The following SETD2 variants were observed in gnomAD, a reference collection of about 807,000 sequenced individuals.
SETD2 encodes the protein histone-lysine N-methyltransferase SETD2.
SETD2 carries 31 observed loss-of-function variants against 242.1 expected under a neutral mutation model. That is an observed-to-expected ratio of 0.13 (90% CI 0.10 to 0.17). The LOEUF (loss-of-function observed/expected upper bound fraction) is 0.17. Ranked by LOEUF, SETD2 falls within the 10% of genes least tolerant of loss-of-function variation. The pLI is 1.00. For missense variants in SETD2, 2,481 were observed against 3,046.3 expected (o/e 0.81, Z 4.37); for synonymous variants, 1,006 against 1,066.5 (o/e 0.94, Z 1.11).
In SETD2 at chr3:47,132,370, G is replaced by A. The variant is rs923534758; in HGVS notation, c.72-5707C>T. ...GGTGTGGTGGTACATGCCTATAGTC[G>A]CAGCTACTTGGGAGGCTGAGGCAGG... On this transcript the variant is annotated intron_variant, in intron 1 of 20. Transcript: ENST00000409792. Among the ~76,000 whole-genome samples, 11 of 152,012 alleles carry A rather than the reference G, an allele frequency of 7.2e-5. No individual in the cohort carries two copies. The East Asian group carries it at 7.8e-4, about 11-fold the overall frequency.
chr3:47,068,784 T>C (rs1170282916), intron 12 of SETD2, among the ~76,000 whole-genome samples: 13 of 148,192 alleles, frequency 8.8e-5, no homozygotes, highest in African/African-American at 3.0e-4. Flanking sequence ...CGTAAGCCAC[T>C]GCGCCCGGCC....
chr3:47,113,504 T>G (rs2042736747), intron 5 of SETD2, among the ~76,000 whole-genome samples: 1 of 152,130 alleles, frequency 6.6e-6, no homozygotes, highest in Admixed American at 6.5e-5. Flanking sequence ...ATAAAGAAAT[T>G]GTTTCCCTAC....
chr3:47,040,568 GATT>G (rs1404275482), intron 17 of SETD2, among the ~76,000 whole-genome samples: 2 of 72,120 alleles, frequency 2.8e-5, no homozygotes, highest in African/African-American at 1.3e-4. Context: ...GAGGGAAAAG[GATT>G]TTTTTTTTTT....
At chr3:47,148,459 T>C (rs1194606053) in intron 1 of SETD2, among the ~76,000 whole-genome samples, 1 of 152,034 alleles carries the variant, frequency 6.6e-6, no homozygotes, top group Non-Finnish European at 1.5e-5. Context: ...AGAACAATGT[T>C]ACTCCCCTCA....
intron 12 of SETD2, among the ~76,000 whole-genome samples, chr3:47,076,992 G>A (rs2041107951): frequency 6.6e-6 from 1 of 152,166 alleles, no homozygotes; most frequent in East Asian, 1.9e-4. Context: ...TACATGAAAG[G>A]GGAAAAGAAT....
rs761008649 is a variant in SETD2, at chr3:47,046,627, A to G, written c.6964-6T>C. On this transcript the variant is annotated splice_polypyrimidine_tract_variant and splice_region_variant and intron_variant, in intron 15 of 20. Coordinates refer to ENST00000409792, the MANE Select transcript of SETD2 (RefSeq NM_014159.7). ...AGACTTGGCTGGGCATAACTCTAAA[A>G]GATAAAATGAAGAAATCAATAATTT... 6.2e-7 allele frequency: 1 copy of G among 1,602,208 alleles called. No individual in the cohort carries two copies. The highest frequency in any genetic ancestry group is 8.5e-7 in the Non-Finnish European group (1 of 1,174,966).
chr3:47,097,310 C>T (rs547367216), intron 9 of SETD2, among the ~76,000 whole-genome samples: 50 of 152,232 alleles, frequency 3.3e-4, no homozygotes, highest in Admixed American at 3.3e-3. Context: ...TTTTGAAAAA[C>T]AGTGCTCTAG....
chr3:47,122,425 C>T lies in SETD2; in HGVS notation c.2211G>A (p.Met737Ile), dbSNP rs2043136232. The part of the protein sequence containing the change: ...CKEKDLDDTC[M>I]LHKKSESPFR... ...ATGGGCTTTCTGACTTCTTATGCAGCATGCAGGTATCATCCAAGTCTTTTT... is the reference window on the plus strand; with the variant it reads ...ATGGGCTTTCTGACTTCTTATGCAGTATGCAGGTATCATCCAAGTCTTTTT... Residue 737 changes from methionine (M) to isoleucine (I), a missense_variant, in exon 3 of 21, where the codon ATG becomes ATA. Met to Ile is a conservative substitution (Grantham distance 10). Coordinates refer to ENST00000409792, the MANE Select transcript of SETD2 (RefSeq NM_014159.7). 2 of 1,614,156 alleles carry T rather than the reference C, an allele frequency of 1.2e-6. No homozygotes were observed. The highest frequency in any genetic ancestry group is 8.5e-7 in the Non-Finnish European group (1 of 1,180,012).
rs765649664 is a variant in SETD2 at position 47,123,637 on chromosome 3, A to T, written c.999T>A (p.Ser333Arg). Residue 333 changes from serine (S) to arginine (R), a missense_variant, in exon 3 of 21, where the codon AGT becomes AGA. Coordinates refer to ENST00000409792, the MANE Select transcript of SETD2 (RefSeq NM_014159.7). ...SDEDSVRTSS[S>R]QRSHDLKFSA... ...AAAATTTTAAATCATGTGATCTTTG[A>T]CTTGAAGAAGTCCGTACAGAATCTT... 1 of 1,550,182 alleles carries T rather than the reference A, an allele frequency of 6.5e-7. No homozygotes were observed. Among genetic ancestry groups the T allele is most frequent in the South Asian group, 1.2e-5 (1 of 83,884 alleles).
chr3:47,151,191 C>G (rs140180197), intron 1 of SETD2, among the ~76,000 whole-genome samples: 5 of 152,002 alleles, frequency 3.3e-5, no homozygotes, highest in African/African-American at 4.8e-5. Context: ...CCCTTAGGTC[C>G]TAGCAACAAA....
intron 3 of SETD2, among the ~76,000 whole-genome samples, chr3:47,118,953 T>C (rs964407093): frequency 5.3e-5 from 8 of 152,254 alleles, no homozygotes; most frequent in African/African-American, 1.4e-4. Flanking sequence ...TAAATGAAAA[T>C]AGCTGTAAAA....
chr3:47,155,094 T>C (rs935428042), intron 1 of SETD2, among the ~76,000 whole-genome samples: 3 of 152,144 alleles, frequency 2.0e-5, no homozygotes, highest in African/African-American at 7.2e-5. Flanking sequence ...CCAAAACAAA[T>C]TTAAAGTTAT....
chr3:47,045,387 G>A (rs890732194), intron 16 of SETD2, among the ~76,000 whole-genome samples: 5 of 151,972 alleles, frequency 3.3e-5, no homozygotes, highest in South Asian at 4.2e-4. Context: ...GCGTGGTGGC[G>A]GGCGCCTGTA....
At chr3:47,162,828 G>A (rs1471906282) in intron 1 of SETD2, among the ~76,000 whole-genome samples, 2 of 152,214 alleles carry the variant, frequency 1.3e-5, no homozygotes, top group Non-Finnish European at 2.9e-5. Context: ...ATGGTCTCGT[G>A]AGGGTTCAGG....
chr3:47,088,540 CA>C (rs2041664854), intron 9 of SETD2, among the ~76,000 whole-genome samples: 1 of 151,798 alleles, frequency 6.6e-6, no homozygotes, highest in African/African-American at 2.4e-5. Flanking sequence ...TGCAATGAGC[CA>C]AAACAGAAAA....
At chr3:47,098,154 A>C (rs1380002987) in intron 8 of SETD2, 73 bp from the exon 9 acceptor site, 1 of 1,527,692 alleles carries the variant, frequency 6.5e-7, no homozygotes, top group Non-Finnish European at 9.0e-7. Context: ...AATACACACA[A>C]AAGTCATACC....
At chr3:47,112,451 T>C (rs2042694930) in intron 5 of SETD2, among the ~76,000 whole-genome samples, 1 of 151,972 alleles carries the variant, frequency 6.6e-6, no homozygotes, top group Non-Finnish European at 1.5e-5. Context: ...CCAGCTAATT[T>C]TTGTATTTTT....
chr3:47,148,333 G>A (rs1427722060), intron 1 of SETD2, among the ~76,000 whole-genome samples: 1 of 151,996 alleles, frequency 6.6e-6, no homozygotes, highest in Non-Finnish European at 1.5e-5. Context: ...GTTTTGCCAT[G>A]TTGCCCAGGC....
chr3:47,021,388 C>A (rs2107498077), intron 18 of SETD2, among the ~76,000 whole-genome samples: 1 of 152,268 alleles, frequency 6.6e-6, no homozygotes, highest in Admixed American at 6.5e-5. Flanking sequence ...CTGTTTCACT[C>A]TGGATAGGGT....
Sources: allele counts gnomAD v4.1 joint callset (sites outside exome capture counted in the v4.1 genomes callset), GRCh38; gene constraint gnomAD v4.1.1; transcripts MANE v1.5; gene names NCBI Gene and HGNC (gene_info 2026-07-23, HGNC 2026-07-21).